Variants in KCNAB2 observed in about 807,000 individuals in gnomAD.
The protein encoded by KCNAB2 is voltage-gated potassium channel subunit beta-2.
KCNAB2 carries 29 observed loss-of-function variants against 63.6 expected under a neutral mutation model. The observed-to-expected ratio is 0.46, with a 90% CI of 0.34 to 0.62. The LOEUF (loss-of-function observed/expected upper bound fraction) is 0.62. Among genes scored for constraint, KCNAB2 ranks in the 20% least tolerant of loss-of-function variants. The probability of loss-of-function intolerance (pLI) is 0.01; values close to 1 mark genes in which losing one functional copy is unlikely to be tolerated. For synonymous variants in KCNAB2, 222 were observed against 224.2 expected, an observed-to-expected ratio of 0.99 and a Z score of 0.09; for missense variants, 359 against 563.9, an observed-to-expected ratio of 0.64 and a Z score of 3.68.
In KCNAB2 at chr1:6,091,317, G is replaced by GC; in HGVS notation, c.646+15dup. 1 of 1,523,096 alleles carries GC rather than the reference G, an allele frequency of 6.6e-7. No homozygotes were observed. The highest frequency in any genetic ancestry group is 8.8e-7 in the Non-Finnish European group (1 of 1,135,314). The allele number at this position is 1,523,096 out of a possible 1,614,324, so 94.3% of individuals were successfully genotyped here. A position where few individuals can be genotyped will look rare whatever the true frequency, so the allele number is the denominator to read the frequency against. ...ACATTCATCATAGAAGGTACACAGT[G>GC]CCCCCAGCCTGACTATTGACTTCTG... On this transcript the variant is annotated intron_variant, in intron 10 of 15. Transcript: ENST00000378083.
intron 2 of KCNAB2, among the ~76,000 whole-genome samples, chr1:6,063,122 C>T (rs1007123105): frequency 6.6e-6 from 1 of 151,712 alleles, no homozygotes; most frequent in Non-Finnish European, 1.5e-5. Flanking sequence ...CAGGTGCAAG[C>T]GATTCTCCTG....
upstream of KCNAB2, chr1:6,041,064 G>A (rs1375605383): frequency 6.0e-6 from 1 of 166,954 alleles, no homozygotes. Context: ...CAGGCCTTTG[G>A]GGAACCACGT....
At chr1:6,085,905 C>T (rs1664658355) in intron 6 of KCNAB2, 8 of 985,680 alleles carry the variant, frequency 8.1e-6, no homozygotes, top group Non-Finnish European at 9.6e-6. Context: ...GGAAGTGGTC[C>T]CCTCCAGCAC....
Position 6,089,279 on chromosome 1 carries a change from G to A in KCNAB2, c.514+228G>A, listed in dbSNP as rs372019882. Among the ~76,000 whole-genome samples, 33 of 152,354 alleles carry A rather than the reference G, an allele frequency of 2.2e-4. No homozygotes were observed. The Middle Eastern group carries it at 0.014, about 63-fold the overall frequency. ...CTGAGCACAGACCACAGACCAGCCT[G>A]GGTTTCAATCCAGGTTTGGCCCCAC... On this transcript the variant is annotated intron_variant, in intron 8 of 15. Transcript: ENST00000378083.
At chr1:6,029,803 C>T (rs1468007338), upstream of KCNAB2, among the ~76,000 whole-genome samples, 3 of 152,218 alleles carry the variant, frequency 2.0e-5, no homozygotes, top group Non-Finnish European at 4.4e-5. Flanking sequence ...ACCTCCTTCC[C>T]AGGAACCCAG....
At chr1:6,032,423 A>G (rs766230146), upstream of KCNAB2, among the ~76,000 whole-genome samples, 54 of 152,232 alleles carry the variant, frequency 3.5e-4, no homozygotes, top group Middle Eastern at 3.4e-3. Context: ...CTAAAAATAC[A>G]AGAATTAGCT....
chr1:6,100,106 T>C lies in KCNAB2; in HGVS notation c.*1532T>C, dbSNP rs1665934078. On this transcript the variant is annotated 3_prime_UTR_variant, in exon 16 of 16. Transcript: ENST00000378083. ...CCCGCTTTGCCCCTGGAGGAGCCAC[T>C]ATTCCAGAAGGCTCCACCCTGCCGT... The C allele has an allele frequency of 6.9e-7, 1 of 1,444,908 alleles. No individual in the cohort carries two copies. Among genetic ancestry groups the C allele is most frequent in the Non-Finnish European group, 9.1e-7 (1 of 1,096,574 alleles). The allele number at this position is 1,444,908 out of a possible 1,614,324, so 89.5% of individuals were successfully genotyped here.
At chr1:6,060,348 C>T (rs938044050) in intron 2 of KCNAB2, among the ~76,000 whole-genome samples, 23 of 152,250 alleles carry the variant, frequency 1.5e-4, no homozygotes, top group African/African-American at 5.5e-4. Flanking sequence ...ACTCACAGCA[C>T]TTAGCCCCTA....
At chr1:6,097,414 G>T in intron 15 of KCNAB2, 57 bp downstream of exon 15, 1 of 1,548,166 alleles carries the variant, frequency 6.5e-7, no homozygotes, top group Non-Finnish European at 8.7e-7. Flanking sequence ...GCCCCGTCCA[G>T]TGCATCCTCC....
rs1663868145 is a variant in KCNAB2, at chr1:6,078,339, C to T, written c.301-3856C>T. On this transcript the variant is annotated intron_variant, in intron 4 of 15. Coordinates refer to ENST00000378083, the MANE Select transcript of KCNAB2 (RefSeq NM_001199862.2). This position sits in a 1 kb window ranked among gnomAD's most constrained non-coding sequence, Gnocchi z 4.2. ...CTCACGTTAATCCCATCTGCAAAGT[C>T]CCTCTTTCTACCTAAGGTCACATTC... 6.6e-6 allele frequency among the ~76,000 whole-genome samples: 1 copy of T among 152,220 alleles called. No individual in the cohort carries two copies. Among genetic ancestry groups the T allele is most frequent in the Admixed American group, 6.5e-5 (1 of 15,286 alleles).
rs910537381 is a variant in KCNAB2, at chr1:6,078,090, G to A, written c.301-4105G>A. Among the ~76,000 whole-genome samples the A allele has an allele frequency of 2.0e-5, 3 of 150,964 alleles. No homozygotes were observed. The highest frequency in any genetic ancestry group is 3.2e-3 in the Middle Eastern group (1 of 316). ...CCTAAGTCCAGGAGTCAGCCGGGCC[G>A]GGCTCCCTTCTCCAGGCCAGGACCC... is the stretch of plus-strand genomic sequence containing the variant. On this transcript the variant is annotated intron_variant, in intron 4 of 15. Coordinates refer to ENST00000378083, the MANE Select transcript of KCNAB2 (RefSeq NM_001199862.2). The surrounding 1 kb of genome is among the most constrained non-coding windows in gnomAD (Gnocchi z 4.2).
At chr1:6,047,527 C>CAAGAGAGG (rs1553123156) in intron 1 of KCNAB2, among the ~76,000 whole-genome samples, 1 of 152,152 alleles carries the variant, frequency 6.6e-6, no homozygotes, top group Non-Finnish European at 1.5e-5. Context: ...CCCCCCCACA[C>CAAGAGAGG]AAGAGAGGGT....
intron 1 of KCNAB2, among the ~76,000 whole-genome samples, chr1:6,029,281 C>CAA (rs756374657): frequency 4.6e-4 from 29 of 62,630 alleles, no homozygotes; most frequent in Admixed American, 8.9e-4. Flanking sequence ...GACTCCATCT[C>CAA]AAAAAAAAAA....
In KCNAB2 at chr1:6,095,553, C is replaced by T; in HGVS notation, c.877C>T (p.Pro293Ser). ...AGGAGTGGGCGCCATGACCTGGTCCCCTCTGGCCTGTGGCATTGTTTCTGG... is the reference window on the plus strand; with the variant it reads ...AGGAGTGGGCGCCATGACCTGGTCCTCTCTGGCCTGTGGCATTGTTTCTGG... Reference protein sequence around the residue: ...KIGVGAMTWSPLACGIVSGKY... With the variant: ...KIGVGAMTWSSLACGIVSGKY... Residue 293 changes from proline to serine, a missense_variant, in exon 13 of 16, where the codon CCT (proline) becomes TCT (serine). Coordinates refer to ENST00000378083, the MANE Select transcript of KCNAB2 (RefSeq NM_001199862.2). The T allele has an allele frequency of 1.2e-6, 2 of 1,613,474 alleles. No homozygotes were observed. Among genetic ancestry groups the T allele is most frequent in the Non-Finnish European group, 1.7e-6 (2 of 1,179,990 alleles).
intron 2 of KCNAB2, among the ~76,000 whole-genome samples, chr1:6,058,011 C>T (rs1010073033): frequency 6.6e-6 from 1 of 152,114 alleles, no homozygotes; most frequent in Non-Finnish European, 1.5e-5. Context: ...AATGGCCAGG[C>T]ATGGTGGCAA....
rs568788895 is a variant in KCNAB2 at position 6,035,421 on chromosome 1, G to A, written c.-53+627G>A. On this transcript the variant is annotated intron_variant, in intron 1 of 15. Coordinates refer to the KCNAB2 transcript ENST00000164247. This position sits in a 1 kb window ranked among gnomAD's most constrained non-coding sequence, Gnocchi z 5.0. ...TCTGCCGGCGGGGGTGGAGGTGGGC[G>A]CAGGGAATGCTGTGAGGAGCAGCAT... 1.6e-4 allele frequency among the ~76,000 whole-genome samples: 24 copies of A among 152,270 alleles called. 1 individual carries two copies. In the South Asian group the frequency reaches 2.7e-3, roughly 17 times the overall value.
chr1:6,081,490 T>G (rs1208424706), intron 4 of KCNAB2, among the ~76,000 whole-genome samples: 1 of 152,244 alleles, frequency 6.6e-6, no homozygotes, highest in Non-Finnish European at 1.5e-5. Context: ...TTCCTAGGAC[T>G]GCTGTAACAA....
At chr1:6,064,092 A>C (rs1389552944) in intron 2 of KCNAB2, among the ~76,000 whole-genome samples, 1 of 152,326 alleles carries the variant, frequency 6.6e-6, no homozygotes, top group South Asian at 2.1e-4. Flanking sequence ...ACGGTTTACC[A>C]GAGTGCAGAG....
chr1:6,081,515 G>A (rs1664208938), intron 4 of KCNAB2, among the ~76,000 whole-genome samples: 1 of 152,196 alleles, frequency 6.6e-6, no homozygotes. Flanking sequence ...ACATAACCTG[G>A]GGGCCTGAAA....
Sources: allele counts gnomAD v4.1 joint callset (sites outside exome capture counted in the v4.1 genomes callset), GRCh38; gene constraint gnomAD v4.1.1; non-coding constraint Gnocchi (gnomAD v3.1); transcripts MANE v1.5; gene names NCBI Gene and HGNC (gene_info 2026-07-23, HGNC 2026-07-21).